The following MAD1L1 variants were observed in gnomAD, a reference collection of about 807,000 sequenced individuals.
MAD1L1 encodes the protein mitotic arrest deficient 1 like 1, also known as mitotic spindle assembly checkpoint protein MAD1.
Under a neutral mutation model 96.9 loss-of-function variants are expected in MAD1L1, and 95 were observed. The ratio of observed to expected loss-of-function variants is 0.98; its 90% CI spans 0.83 to 1.16. The LOEUF (loss-of-function observed/expected upper bound fraction) is 1.16. Among genes scored for constraint, MAD1L1 ranks in the 50% most tolerant of loss-of-function variants. The pLI is 0.00. For missense variants in MAD1L1, 1,007 were observed against 954.4 expected (o/e 1.06, Z -0.73); for synonymous variants, 473 against 396.6 (o/e 1.19, Z -2.29).
intron 18 of MAD1L1, among the ~76,000 whole-genome samples, chr7:1,866,757 CG>C (rs1784798766): frequency 6.6e-6 from 1 of 152,116 alleles, no homozygotes; most frequent in South Asian, 2.1e-4. Flanking sequence ...CACGGGCTGA[CG>C]GGAGCCCTGA....
chr7:1,942,356 G>A (rs1779041151), intron 16 of MAD1L1, among the ~76,000 whole-genome samples: 1 of 152,234 alleles, frequency 6.6e-6, no homozygotes, highest in Admixed American at 6.5e-5. Context: ...GGTGGCTGGG[G>A]GCGACAGCCA....
rs555321543 is a variant in MAD1L1, at chr7:2,207,438, A to T, written c.986+5774T>A. 7.0e-4 allele frequency among the ~76,000 whole-genome samples: 106 copies of T among 152,172 alleles called. 1 individual carries two copies. Among genetic ancestry groups the T allele is most frequent in the African/African-American group, 2.3e-3 (95 of 41,504 alleles). Reference sequence around the variant, plus strand: ...CCACCCCTCAACCTCCTAGGAGGGGAGAGGGGCCGAAGGGTGAGTTGATTT... The same window carrying T: ...CCACCCCTCAACCTCCTAGGAGGGGTGAGGGGCCGAAGGGTGAGTTGATTT... On this transcript the variant is annotated intron_variant, in intron 10 of 18. Coordinates refer to ENST00000265854, the MANE Select transcript of MAD1L1 (RefSeq NM_001013836.2).
At chr7:2,135,221 C>G (rs987409826) in intron 11 of MAD1L1, among the ~76,000 whole-genome samples, 1 of 152,214 alleles carries the variant, frequency 6.6e-6, no homozygotes, top group Non-Finnish European at 1.5e-5. Flanking sequence ...ACTAGGCCCT[C>G]CTTCTTCCAA....
intron 15 of MAD1L1, among the ~76,000 whole-genome samples, chr7:1,977,372 A>G (rs1780693756): frequency 6.6e-6 from 1 of 152,190 alleles, no homozygotes; most frequent in African/African-American, 2.4e-5. Context: ...TAAGCCCCTC[A>G]CTGCCCGGGG....
At chr7:2,096,282 G>A (rs1786485595) in intron 11 of MAD1L1, among the ~76,000 whole-genome samples, 2 of 152,212 alleles carry the variant, frequency 1.3e-5, no homozygotes, top group Admixed American at 1.3e-4. Context: ...GTGATCCCAG[G>A]GAGAACTCAC....
At chr7:2,072,830 G>T (rs959972187) in intron 11 of MAD1L1, among the ~76,000 whole-genome samples, 1 of 152,200 alleles carries the variant, frequency 6.6e-6, no homozygotes, top group Admixed American at 6.5e-5. Context: ...GCCTTGAAGG[G>T]GGCCCAGCAA....
intron 16 of MAD1L1, among the ~76,000 whole-genome samples, chr7:1,945,348 G>A (rs545004079): frequency 6.6e-6 from 1 of 152,366 alleles, no homozygotes; most frequent in African/African-American, 2.4e-5. Context: ...TGTGTTTGCT[G>A]AATGAATGCA....
At chr7:1,994,470 C>T (rs1408102327) in intron 14 of MAD1L1, among the ~76,000 whole-genome samples, 1 of 152,110 alleles carries the variant, frequency 6.6e-6, no homozygotes, top group Non-Finnish European at 1.5e-5. Context: ...CAGGGCAGGC[C>T]CATCGGGCAC....
chr7:2,148,299 G>C (rs1241179905), intron 11 of MAD1L1: 1 of 152,686 alleles, frequency 6.5e-6, no homozygotes, highest in African/African-American at 2.4e-5. Context: ...CAGACCCACG[G>C]CCTGGTCAGC....
chr7:2,116,908 G>C lies in MAD1L1; in HGVS notation c.1073+32244C>G, dbSNP rs564633908. On this transcript the variant is annotated intron_variant, in intron 11 of 18. Transcript: ENST00000265854. ...TGTGCCCTTGGTAAAGAGGACAGTGGAGACAAAGAAGTATTTGCAATGAAC... is the reference window on the plus strand; with the variant it reads ...TGTGCCCTTGGTAAAGAGGACAGTGCAGACAAAGAAGTATTTGCAATGAAC... Among the ~76,000 whole-genome samples the C allele has an allele frequency of 4.6e-5, 7 of 152,316 alleles. No individual in the cohort carries two copies. In the South Asian group the frequency reaches 1.4e-3, roughly 32 times the overall value.
At chr7:2,020,179 G>A (rs1782722829) in intron 12 of MAD1L1, among the ~76,000 whole-genome samples, 1 of 152,198 alleles carries the variant, frequency 6.6e-6, no homozygotes, top group Non-Finnish European at 1.5e-5. Context: ...CAGTCCCGGG[G>A]TCAGCGCCCA....
At chr7:1,958,094 C>A (rs942905287) in intron 15 of MAD1L1, among the ~76,000 whole-genome samples, 1 of 152,142 alleles carries the variant, frequency 6.6e-6, no homozygotes, top group Admixed American at 6.6e-5. Flanking sequence ...GCAGGGGACA[C>A]TGAGGGACAG....
intron 17 of MAD1L1, among the ~76,000 whole-genome samples, chr7:1,913,192 C>G (rs1432730177): frequency 2.0e-5 from 3 of 152,162 alleles, no homozygotes; most frequent in Non-Finnish European, 4.4e-5. Flanking sequence ...GTAATGAACT[C>G]TTCAGATAGC....
intron 15 of MAD1L1, among the ~76,000 whole-genome samples, chr7:1,973,941 G>A (rs536017159): frequency 6.6e-6 from 1 of 152,330 alleles, no homozygotes; most frequent in African/African-American, 2.4e-5. Context: ...GAAGGCTGGG[G>A]CAGGAGACGC....
intron 18 of MAD1L1, among the ~76,000 whole-genome samples, chr7:1,886,048 G>A (rs759136233): frequency 1.3e-5 from 2 of 152,122 alleles, no homozygotes; most frequent in Non-Finnish European, 1.5e-5. Flanking sequence ...ACCAGCCCTC[G>A]TCCGCGTATC....
chr7:1,893,230 G>A (rs769400579), intron 18 of MAD1L1, among the ~76,000 whole-genome samples: 4 of 152,190 alleles, frequency 2.6e-5, no homozygotes, highest in Non-Finnish European at 5.9e-5. Context: ...CTCCACCCAC[G>A]CGGCAACAAG....
intron 14 of MAD1L1, 83 bp from the exon 15 acceptor site, chr7:1,980,624 C>G (rs960713662): frequency 6.3e-6 from 7 of 1,105,518 alleles, no homozygotes; most frequent in Non-Finnish European, 8.1e-6. Flanking sequence ...CCCCTGAGAC[C>G]ACCCCTGGCA....
chr7:2,185,628 A>G (rs1584503120), intron 10 of MAD1L1, among the ~76,000 whole-genome samples: 2 of 152,156 alleles, frequency 1.3e-5, no homozygotes, highest in Non-Finnish European at 2.9e-5. Flanking sequence ...GCATGCTTCT[A>G]GATTTTTTTT....
intron 17 of MAD1L1, among the ~76,000 whole-genome samples, chr7:1,923,833 G>A (rs1344417126): frequency 6.6e-6 from 1 of 152,250 alleles, no homozygotes; most frequent in East Asian, 1.9e-4. Flanking sequence ...CCCCACAGGT[G>A]TGAGAGTTGG....
Sources: allele counts gnomAD v4.1 joint callset (sites outside exome capture counted in the v4.1 genomes callset), GRCh38; gene constraint gnomAD v4.1.1; transcripts MANE v1.5; gene names NCBI Gene and HGNC (gene_info 2026-07-23, HGNC 2026-07-21).